The following ZKSCAN7 variants were observed in gnomAD, a reference collection of about 807,000 sequenced individuals.
The protein encoded by ZKSCAN7 is zinc finger protein with KRAB and SCAN domains 7.
Under a neutral mutation model 65.3 loss-of-function variants are expected in ZKSCAN7, and 38 were observed. The observed-to-expected ratio is 0.58, with a 90% CI of 0.45 to 0.76. ZKSCAN7 has a LOEUF of 0.76. Among genes scored for constraint, ZKSCAN7 ranks in the 30% least tolerant of loss-of-function variants. The pLI is 0.00. For synonymous variants in ZKSCAN7, 321 were observed against 321.0 expected (o/e 1.00, Z 0.00); for missense variants, 815 against 913.3 (o/e 0.89, Z 1.39).
At chr3:44,560,600 C>T (rs1699444926) in intron 2 of ZKSCAN7, among the ~76,000 whole-genome samples, 1 of 151,314 alleles carries the variant, frequency 6.6e-6, no homozygotes, top group Non-Finnish European at 1.5e-5. Flanking sequence ...GCAAGCTCCG[C>T]CTCCTTCACG....
chr3:44,564,835 C>G (rs1397976421), intron 2 of ZKSCAN7, among the ~76,000 whole-genome samples: 1 of 152,008 alleles, frequency 6.6e-6, no homozygotes, highest in African/African-American at 2.4e-5. Flanking sequence ...GAGTCTCGCT[C>G]TGTCACCCAG....
At chr3:44,559,213 A>T (rs1699392019) in intron 2 of ZKSCAN7, among the ~76,000 whole-genome samples, 1 of 152,050 alleles carries the variant, frequency 6.6e-6, no homozygotes, top group Non-Finnish European at 1.5e-5. Context: ...CACATTTTTA[A>T]AATAGTTTAC....
intron 3 of ZKSCAN7, 118 bp from the exon 4 acceptor site, chr3:44,567,794 T>C: frequency 1.7e-6 from 1 of 578,620 alleles, no homozygotes; most frequent in Non-Finnish European, 3.1e-6. Context: ...TGGAAGAGGT[T>C]AAGAGTCAGT....
At position 44,570,473 on chromosome 3, in the gene ZKSCAN7, A is replaced by G. The variant is rs1385426172; in HGVS notation, c.1363A>G (p.Ile455Val). ...GKAYRHSSHL[I>V]QHQRLHNGEK... ...GGCCTATAGGCACAGCTCCCATCTC[A>G]TTCAACACCAGAGACTCCATAATGG... is the stretch of plus-strand genomic sequence containing the variant. The change falls in exon 6 of 6, where the codon ATT (isoleucine) becomes GTT (valine). Residue 455 changes from isoleucine (I) to valine (V), a missense_variant. Ile to Val is a conservative substitution (Grantham distance 29). Transcript: ENST00000426540. 6.2e-7 allele frequency: 1 copy of G among 1,614,052 alleles called. No individual in the cohort carries two copies. The highest frequency in any genetic ancestry group is 2.2e-5 in the East Asian group (1 of 44,890).
chr3:44,561,303 G>A (rs1376850214), intron 2 of ZKSCAN7, among the ~76,000 whole-genome samples: 1 of 152,040 alleles, frequency 6.6e-6, no homozygotes, highest in Non-Finnish European at 1.5e-5. Flanking sequence ...ACTTTTAAAT[G>A]ATCAGATCTC....
At chr3:44,576,754 A>G (rs750015965), downstream of ZKSCAN7, among the ~76,000 whole-genome samples, 1 of 152,178 alleles carries the variant, frequency 6.6e-6, no homozygotes, top group Non-Finnish European at 1.5e-5. Flanking sequence ...AGCAGTAGAG[A>G]AGCAGCTTCA....
At position 44,571,275 on chromosome 3, in the gene ZKSCAN7, G is replaced by C; in HGVS notation, c.2165G>C (p.Ser722Thr). The C allele has an allele frequency of 1.9e-6, 3 of 1,614,210 alleles. No individual in the cohort carries two copies. Among genetic ancestry groups the C allele is most frequent in the Non-Finnish European group, 2.5e-6 (3 of 1,180,040 alleles). Residue 722 changes from serine to threonine, a missense_variant, in exon 6 of 6, where the codon AGT becomes ACT. Physicochemically the swap from Ser to Thr is moderately conservative, Grantham distance 58. This residue lies in a region of ZKSCAN7 where 578 missense variants were observed against 629.5 expected (regional missense o/e 0.92). Transcript: ENST00000426540. The part of the protein sequence containing the change: ...VHTGEKPYEC[S>T]ECGKAFSQRS... Reference sequence around the variant, plus strand: ...ACCGGAGAGAAACCTTATGAATGTAGTGAATGTGGGAAAGCCTTTAGTCAG... The same window carrying C: ...ACCGGAGAGAAACCTTATGAATGTACTGAATGTGGGAAAGCCTTTAGTCAG...
chr3:44,568,328 C>T lies in ZKSCAN7; in HGVS notation c.706C>T (p.Leu236=), dbSNP rs1392311343. 2 of 1,613,552 alleles carry T rather than the reference C, an allele frequency of 1.2e-6. No homozygotes were observed. Among genetic ancestry groups the T allele is most frequent in the South Asian group, 1.1e-5 (1 of 90,954 alleles). Residue 236 remains leucine, a synonymous_variant, in exon 5 of 6, where the codon CTA becomes TTA. Coordinates refer to ENST00000426540, the MANE Select transcript of ZKSCAN7 (RefSeq NM_001288590.2). The part of the protein sequence containing the change: ...RPQDTVAYED[L]SVDYTQKKWK... Reference sequence around the variant, plus strand: ...CCAGGATACTGTGGCATATGAGGACCTATCTGTAGACTACACTCAGAAGAA... The same window carrying T: ...CCAGGATACTGTGGCATATGAGGACTTATCTGTAGACTACACTCAGAAGAA...
At chr3:44,575,155 G>T (rs1156388166), downstream of ZKSCAN7, among the ~76,000 whole-genome samples, 1 of 152,158 alleles carries the variant, frequency 6.6e-6, no homozygotes, top group African/African-American at 2.4e-5. Flanking sequence ...TATTAGTTGG[G>T]TGTATTGGTG....
chr3:44,576,773 A>G (rs1291102872), downstream of ZKSCAN7, among the ~76,000 whole-genome samples: 5 of 152,162 alleles, frequency 3.3e-5, no homozygotes, highest in Non-Finnish European at 5.9e-5. Flanking sequence ...CAATTTTGCT[A>G]AGCTGGTTGA....
In ZKSCAN7 at chr3:44,570,809, A is replaced by C; in HGVS notation, c.1699A>C (p.Ile567Leu). ...GKAFSRSKCL[I>L]RHQSLHTGEK... ...AGCCTTCAGTCGGAGTAAATGTCTT[A>C]TTCGACATCAGAGCCTCCATACTGG... Residue 567 changes from isoleucine to leucine, a missense_variant, in exon 6 of 6, where the codon ATT (isoleucine) becomes CTT (leucine). Physicochemically the swap from Ile to Leu is conservative, Grantham distance 5 (BLOSUM62 2). Transcript: ENST00000426540. 1 of 1,614,222 alleles carries C rather than the reference A, an allele frequency of 6.2e-7. No homozygotes were observed. The highest frequency in any genetic ancestry group is 8.5e-7 in the Non-Finnish European group (1 of 1,180,042).
chr3:44,569,995 C>T lies in ZKSCAN7; in HGVS notation c.885C>T (p.Asn295=), dbSNP rs142412990. ...TTTTTAAAGGATCAGAGTCATCTAA[C>T]AGGACATCAGGGGGACTCTTTGGGG... ...QEFFKGSESS[N]RTSGGLFGVV... Residue 295 remains asparagine (N), a synonymous_variant, in exon 6 of 6, where the codon AAC becomes AAT. Transcript: ENST00000426540. 35 of 1,607,366 alleles carry T rather than the reference C, an allele frequency of 2.2e-5. No individual in the cohort carries two copies. Among genetic ancestry groups the T allele is most frequent in the Admixed American group, 1.5e-4 (9 of 58,724 alleles).
rs1251558661 is a variant in ZKSCAN7 at position 44,557,200 on chromosome 3, A to G, written c.153A>G (p.Glu51=). 8.7e-6 allele frequency: 14 copies of G among 1,614,130 alleles called. No individual in the cohort carries two copies. Among genetic ancestry groups the G allele is most frequent in the African/African-American group, 2.7e-5 (2 of 74,944 alleles). The stretch of plus-strand genomic sequence containing the variant: ...AGAAGAACTATCCTCCTGTCTGCGA[A>G]ATCTTCCGGCTACACTTCAGGCAAT... The part of the protein sequence containing the change: ...SLQKNYPPVC[E]IFRLHFRQLC... Residue 51 remains glutamate, a synonymous_variant, in exon 2 of 6, where the codon GAA becomes GAG. Transcript: ENST00000426540.
rs780180674 is a variant in ZKSCAN7 at position 44,565,590 on chromosome 3, C to G, written c.527C>G (p.Ala176Gly). ...PPTSPLSGGSAPGAHLEPPYD... is the reference protein window; with the variant it reads ...PPTSPLSGGSGPGAHLEPPYD... Reference sequence around the variant, plus strand: ...ACCTCACCCCTCAGTGGGGGCTCAGCCCCTGGAGCCCACCTGGAGCCTCCT... The same window carrying G: ...ACCTCACCCCTCAGTGGGGGCTCAGGCCCTGGAGCCCACCTGGAGCCTCCT... The change falls in exon 3 of 6, where the codon GCC becomes GGC. Residue 176 changes from alanine (A) to glycine (G), a missense_variant. Ala to Gly is a moderately conservative substitution (Grantham distance 60, BLOSUM62 0). Around this residue, in one of 3 missense-constraint regions of ZKSCAN7, gnomAD observed 227 missense variants for 253.3 expected, o/e 0.90. Coordinates refer to ENST00000426540, the MANE Select transcript of ZKSCAN7 (RefSeq NM_001288590.2). 1.1e-5 allele frequency: 17 copies of G among 1,612,530 alleles called. No individual in the cohort carries two copies. In the Admixed American group the frequency reaches 2.2e-4, roughly 21 times the overall value.
chr3:44,567,860 T>C (rs1575369446), intron 3 of ZKSCAN7, 52 bp from the exon 4 acceptor site: 1 of 625,026 alleles, frequency 1.6e-6, no homozygotes, highest in South Asian at 2.0e-5. Context: ...ATAGATCTTA[T>C]GGGAGCCAGA....
rs1699696907 is a variant in ZKSCAN7 at position 44,568,400 on chromosome 3, A to C, written c.778A>C (p.Met260Leu). 1 of 1,614,036 alleles carries C rather than the reference A, an allele frequency of 6.2e-7. No homozygotes were observed. Among genetic ancestry groups the C allele is most frequent in the African/African-American group, 1.3e-5 (1 of 74,936 alleles). Residue 260 changes from methionine to leucine, a missense_variant, in exon 5 of 6, where the codon ATG (methionine) becomes CTG (leucine). Met to Leu is a conservative substitution (Grantham distance 15, BLOSUM62 2). Around this residue, in one of 3 missense-constraint regions of ZKSCAN7, gnomAD observed 578 missense variants for 629.5 expected, o/e 0.92. Coordinates refer to ENST00000426540, the MANE Select transcript of ZKSCAN7 (RefSeq NM_001288590.2). Reference protein sequence around the residue: ...LSQRALQWNMMPENHHSMASL... With the variant: ...LSQRALQWNMLPENHHSMASL... ...TCAGAGAGCCCTGCAGTGGAACATG[A>C]TGCCAGAAAATCACCATAGCATGGC...
intron 1 of ZKSCAN7, among the ~76,000 whole-genome samples, chr3:44,556,488 C>G (rs1170713005): frequency 6.6e-6 from 1 of 152,236 alleles, no homozygotes; most frequent in Non-Finnish European, 1.5e-5. Context: ...TTACTCCCTA[C>G]ATTGGTTTAT....
chr3:44,579,919 T>C, intron 5 of ZKSCAN7: 1 of 1,591,506 alleles, frequency 6.3e-7, no homozygotes, highest in Middle Eastern at 1.7e-4. Context: ...TCCTGTCCAG[T>C]GACTTGGCTC....
intron 2 of ZKSCAN7, among the ~76,000 whole-genome samples, chr3:44,558,355 T>C (rs1699360823): frequency 6.6e-6 from 1 of 151,956 alleles, no homozygotes; most frequent in African/African-American, 2.4e-5. Flanking sequence ...CAAAGCCCCA[T>C]TGCTACTAAA....
Sources: allele counts gnomAD v4.1 joint callset (sites outside exome capture counted in the v4.1 genomes callset), GRCh38; gene constraint gnomAD v4.1.1; regional missense constraint gnomAD v4.1.1; transcripts MANE v1.5; gene names NCBI Gene and HGNC (gene_info 2026-07-23, HGNC 2026-07-21).